The following TDRP variants were observed in gnomAD, a reference collection of about 807,000 sequenced individuals.
TDRP encodes testis development-related protein.
Under a neutral mutation model 10.5 loss-of-function variants are expected in TDRP, and 12 were observed. The ratio of observed to expected loss-of-function variants is 1.15; its 90% CI spans 0.73 to 1.86. The LOEUF (loss-of-function observed/expected upper bound fraction) is 1.86. TDRP is among the 40% of genes most tolerant of loss of function. The pLI, the probability that TDRP is intolerant of heterozygous loss-of-function variation, is 0.00. For synonymous variants in TDRP, 139 were observed against 95.4 expected, an observed-to-expected ratio of 1.46 and a Z score of -2.67; for missense variants, 353 against 229.2, an observed-to-expected ratio of 1.54 and a Z score of -3.49.
rs1226502487 is a variant in TDRP, at chr8:491,597, T to C, written c.*802A>G. The C allele has an allele frequency of 6.5e-7, 1 of 1,528,458 alleles. No individual in the cohort carries two copies. The highest frequency in any genetic ancestry group is 8.7e-7 in the Non-Finnish European group (1 of 1,144,664). The allele number at this position is 1,528,458 out of a possible 1,614,324, so 94.7% of individuals were successfully genotyped here. Reference sequence around the variant, plus strand: ...TCAGTATTTTATGCACAGTCTTAACTCTCTATAATGAGCAAGACAATGTTT... The same window carrying C: ...TCAGTATTTTATGCACAGTCTTAACCCTCTATAATGAGCAAGACAATGTTT... On this transcript the variant is annotated 3_prime_UTR_variant, in exon 3 of 3. Transcript: ENST00000324079.
In TDRP at chr8:494,482, G is replaced by C. The variant is rs755370126; in HGVS notation, c.212+12C>G. On this transcript the variant is annotated intron_variant, in intron 2 of 2. Transcript: ENST00000324079. ...CCTGAAATGATCATTTTCTTACACA[G>C]TTATGACTTACCCTTTGGACTTGGG... 4 of 1,611,048 alleles carry C rather than the reference G, an allele frequency of 2.5e-6. No homozygotes were observed. The South Asian group carries it at 4.4e-5, about 18-fold the overall frequency.
intron 1 of TDRP, among the ~76,000 whole-genome samples, chr8:541,802 A>G (rs944427114): frequency 6.6e-6 from 1 of 152,208 alleles, no homozygotes; most frequent in African/African-American, 2.4e-5. Context: ...TTCCTTGTCC[A>G]TGGGAGTGCA....
rs144245865 is a variant in TDRP, at chr8:501,637, G to A, written c.109-7040C>T. Among the ~76,000 whole-genome samples the A allele has an allele frequency of 1.3e-3, 196 of 152,280 alleles. 1 individual carries two copies. Among genetic ancestry groups the A allele is most frequent in the Middle Eastern group, 6.8e-3 (2 of 294 alleles). On this transcript the variant is annotated intron_variant, in intron 1 of 2. Transcript: ENST00000324079. ...GCTGGGATTACAGGCGTGAGACACC[G>A]CGCCCGGACCTTTCCTGCTATACGT...
intron 1 of TDRP, among the ~76,000 whole-genome samples, chr8:508,566 G>C (rs887032190): frequency 2.0e-5 from 3 of 152,120 alleles, no homozygotes; most frequent in South Asian, 2.1e-4. Flanking sequence ...ACTATCACAA[G>C]AATAGCATGC....
At chr8:542,209 T>C (rs1204372619) in intron 1 of TDRP, among the ~76,000 whole-genome samples, 6 of 152,128 alleles carry the variant, frequency 3.9e-5, no homozygotes, top group Admixed American at 6.5e-5. Context: ...TGGAAAACTA[T>C]GGCGACAGTA....
At chr8:518,498 A>G (rs2116812026) in intron 1 of TDRP, among the ~76,000 whole-genome samples, 1 of 152,342 alleles carries the variant, frequency 6.6e-6, no homozygotes, top group African/African-American at 2.4e-5. Flanking sequence ...AAACCCAACA[A>G]ACCCATGTAT....
chr8:510,987 G>A (rs1248409399), intron 1 of TDRP, among the ~76,000 whole-genome samples: 1 of 152,178 alleles, frequency 6.6e-6, no homozygotes, highest in Non-Finnish European at 1.5e-5. Context: ...ATCAGGCTAA[G>A]AAATCGGCTA....
chr8:502,417 T>C (rs898882025), intron 1 of TDRP, among the ~76,000 whole-genome samples: 2 of 152,166 alleles, frequency 1.3e-5, no homozygotes, highest in African/African-American at 4.8e-5. Flanking sequence ...CCAACGACCC[T>C]TCAGGGTGTG....
intron 1 of TDRP, among the ~76,000 whole-genome samples, chr8:498,885 T>TTCTCTCTCTCTC (rs34931074): frequency 1.3e-5 from 2 of 150,770 alleles, no homozygotes; most frequent in African/African-American, 2.4e-5. Flanking sequence ...CACCTCCCTG[T>TTCTCTCTCTCTC]TCTCTCTCTC....
intron 1 of TDRP, among the ~76,000 whole-genome samples, chr8:531,050 C>A (rs547548965): frequency 3.9e-5 from 6 of 152,268 alleles, no homozygotes; most frequent in Admixed American, 1.3e-4. Context: ...CATCAGGTGA[C>A]CCCCCAAAAT....
chr8:515,793 T>G (rs537832877), intron 1 of TDRP, among the ~76,000 whole-genome samples: 2 of 152,300 alleles, frequency 1.3e-5, no homozygotes, highest in African/African-American at 4.8e-5. Flanking sequence ...TAAATAAGTA[T>G]GTGCTAAATA....
rs1800946602 is a variant in TDRP, at chr8:490,748, T to C, written c.*1651A>G. The C allele has an allele frequency of 6.6e-6, 1 of 152,250 alleles. No homozygotes were observed. The highest frequency in any genetic ancestry group is 2.1e-4 in the South Asian group (1 of 4,836). The allele number at this position is 152,250 out of a possible 1,614,324, so 9.4% of individuals were successfully genotyped here. A position where few individuals can be genotyped will look rare whatever the true frequency, so the allele number is the denominator to read the frequency against. On this transcript the variant is annotated 3_prime_UTR_variant, in exon 3 of 3. Coordinates refer to ENST00000324079, the MANE Select transcript of TDRP (RefSeq NM_001384899.1). ...ATACTAAAAATTATGAACTTGTCTCTGTATTATGGAACAAAGAAAACCTCC... is the reference window on the plus strand; with the variant it reads ...ATACTAAAAATTATGAACTTGTCTCCGTATTATGGAACAAAGAAAACCTCC...
chr8:501,627 G>A (rs1331456882), intron 1 of TDRP, among the ~76,000 whole-genome samples: 5 of 152,182 alleles, frequency 3.3e-5, no homozygotes, highest in African/African-American at 4.8e-5. Context: ...GATTACAGGC[G>A]TGAGACACCG....
At chr8:522,615 G>T (rs1007883607) in intron 1 of TDRP, among the ~76,000 whole-genome samples, 1 of 152,194 alleles carries the variant, frequency 6.6e-6, no homozygotes, top group Non-Finnish European at 1.5e-5. Context: ...GCCCCGCACA[G>T]ATCTCCCTCC....
intron 1 of TDRP, among the ~76,000 whole-genome samples, chr8:516,017 T>A (rs1801748810): frequency 6.6e-6 from 1 of 152,076 alleles, no homozygotes; most frequent in Admixed American, 6.5e-5. Context: ...GTTACAAGTT[T>A]CCTTAAAAAT....
intron 1 of TDRP, among the ~76,000 whole-genome samples, chr8:509,797 C>G (rs536513055): frequency 6.6e-6 from 1 of 152,172 alleles, no homozygotes; most frequent in Non-Finnish European, 1.5e-5. Context: ...TTTTTCTTTT[C>G]TATTACTTTG....
chr8:537,295 G>A (rs116796232), intron 1 of TDRP, among the ~76,000 whole-genome samples: 1 of 152,304 alleles, frequency 6.6e-6, no homozygotes, highest in African/African-American at 2.4e-5. Context: ...TGTCGCACAA[G>A]TGAGAAGTGC....
Position 544,630 on chromosome 8 carries a change from C to CCACCTGCGCACCCCCT in TDRP, c.108+4_108+19dup. On this transcript the variant is annotated intron_variant, in intron 1 of 2. Transcript: ENST00000324079. ...CGCGCCCCCGGCCTACTAGCACTCCCCACCTGCGCACCCCCTCACCTGCGC... is the reference window on the plus strand; with the variant it reads ...CGCGCCCCCGGCCTACTAGCACTCCCCACCTGCGCACCCCCTCACCTGCGCACCCCCTCACCTGCGC... The CCACCTGCGCACCCCCT allele has an allele frequency of 8.1e-7, 1 of 1,234,794 alleles. No individual in the cohort carries two copies. The highest frequency in any genetic ancestry group is 3.2e-5 in the East Asian group (1 of 31,442). The allele number at this position is 1,234,794 out of a possible 1,614,324, so 76.5% of individuals were successfully genotyped here. A position where few individuals can be genotyped will look rare whatever the true frequency, so the allele number is the denominator to read the frequency against.
Position 491,947 on chromosome 8 carries a change from G to C in TDRP, c.*452C>G, listed in dbSNP as rs906338701. 119 of 1,125,932 alleles carry C rather than the reference G, an allele frequency of 1.1e-4. 1 individual carries two copies. Among genetic ancestry groups the C allele is most frequent in the Non-Finnish European group, 2.4e-5 (22 of 922,086 alleles). 69.7% of individuals were successfully genotyped at this position (1,125,932 alleles called of 1,614,324 possible). ...AACAAAATTTAACATAACTTTGGAA[G>C]ATTCATCTTACCTCCTGACTAATTT... On this transcript the variant is annotated 3_prime_UTR_variant, in exon 3 of 3. Coordinates refer to ENST00000324079, the MANE Select transcript of TDRP (RefSeq NM_001384899.1).
Sources: gnomAD v4.1 joint callset for allele counts (sites outside exome capture counted in the v4.1 genomes callset) on GRCh38, gnomAD v4.1.1 for gene constraint, MANE v1.5 for transcripts, NCBI Gene and HGNC (gene_info 2026-07-23, HGNC 2026-07-21) for gene names.